GRM8: variants seen among roughly 807,000 people sequenced by gnomAD.
GRM8 encodes the protein metabotropic glutamate receptor 8.
In GRM8, 47 loss-of-function variants were observed where a neutral mutation model predicts 87.2. The observed-to-expected ratio is 0.54, with a 90% CI of 0.43 to 0.69. GRM8 has a LOEUF of 0.69. GRM8 is among the 30% of genes least tolerant of loss of function. GRM8 has a pLI of 0.00. For missense variants in GRM8, 1,019 were observed against 1,139.2 expected, an observed-to-expected ratio of 0.89 and a Z score of 1.52; for synonymous variants, 396 against 404.5, an observed-to-expected ratio of 0.98 and a Z score of 0.25.
At chr7:126,595,107 A>C (rs1004158641) in intron 8 of GRM8, among the ~76,000 whole-genome samples, 10 of 152,192 alleles carry the variant, frequency 6.6e-5, no homozygotes, top group Admixed American at 5.9e-4. Context: ...AAAGGCTTAC[A>C]TACTGTGTGA....
chr7:126,621,537 G>T (rs1800175165), intron 7 of GRM8, among the ~76,000 whole-genome samples: 2 of 152,010 alleles, frequency 1.3e-5, no homozygotes, highest in African/African-American at 2.4e-5. Context: ...TCCTGTCTAA[G>T]CTTCCTGAGT....
intron 3 of GRM8, among the ~76,000 whole-genome samples, chr7:127,019,083 A>G (rs1016679535): frequency 2.0e-5 from 3 of 152,206 alleles, no homozygotes; most frequent in East Asian, 3.9e-4. Context: ...TAGGGATGAC[A>G]TATACAGAAA....
chr7:126,469,403 C>T (rs1804883714), intron 9 of GRM8, among the ~76,000 whole-genome samples: 1 of 143,576 alleles, frequency 7.0e-6, no homozygotes, highest in African/African-American at 2.5e-5. Flanking sequence ...CCCATGTTGT[C>T]AAATCAAAAT....
At chr7:126,495,923 C>T (rs1311725441) in intron 9 of GRM8, among the ~76,000 whole-genome samples, 2 of 151,960 alleles carry the variant, frequency 1.3e-5, no homozygotes, top group Non-Finnish European at 2.9e-5. Context: ...ATTGTTTGCA[C>T]AGTAACTGTT....
chr7:127,196,936 G>A (rs1421587108), intron 2 of GRM8, among the ~76,000 whole-genome samples: 2 of 152,116 alleles, frequency 1.3e-5, no homozygotes, highest in Admixed American at 1.3e-4. Context: ...TGCCCAGGCT[G>A]GTCTCAAACC....
chr7:126,789,219 T>A (rs1375989408), intron 6 of GRM8, among the ~76,000 whole-genome samples: 1 of 151,944 alleles, frequency 6.6e-6, no homozygotes, highest in Non-Finnish European at 1.5e-5. Context: ...ACACTAATAA[T>A]GTTCAAAAGA....
chr7:126,528,440 A>G (rs1814257901), intron 9 of GRM8, among the ~76,000 whole-genome samples: 1 of 152,180 alleles, frequency 6.6e-6, no homozygotes, highest in Admixed American at 6.5e-5. Context: ...GGTGAGCAAA[A>G]TCAAATAAAG....
intron 2 of GRM8, among the ~76,000 whole-genome samples, chr7:127,131,859 T>C (rs1481303760): frequency 1.3e-5 from 2 of 152,230 alleles, no homozygotes; most frequent in Admixed American, 6.5e-5. Flanking sequence ...GAATCTGTTA[T>C]TTATGCTTAA....
chr7:126,468,627 G>A (rs1382465952), intron 9 of GRM8, among the ~76,000 whole-genome samples: 1 of 151,902 alleles, frequency 6.6e-6, no homozygotes, highest in Non-Finnish European at 1.5e-5. Flanking sequence ...GCATTGCTTT[G>A]AAAAATTCTT....
At chr7:126,986,398 T>C (rs191789415) in intron 3 of GRM8, among the ~76,000 whole-genome samples, 2 of 152,336 alleles carry the variant, frequency 1.3e-5, no homozygotes, top group Admixed American at 1.3e-4. Context: ...TATTTTATTA[T>C]GGTTGAATTA....
intron 9 of GRM8, among the ~76,000 whole-genome samples, chr7:126,469,789 G>T (rs769247661): frequency 6.6e-6 from 1 of 152,108 alleles, no homozygotes; most frequent in Non-Finnish European, 1.5e-5. Flanking sequence ...AGCAGTGTAA[G>T]AAAGGACTAA....
intron 2 of GRM8, among the ~76,000 whole-genome samples, chr7:127,198,382 T>C (rs777135152): frequency 2.0e-5 from 3 of 152,182 alleles, no homozygotes; most frequent in Non-Finnish European, 4.4e-5. Context: ...ATCTGCTCTG[T>C]GGCCTTAGTC....
Position 126,904,509 on chromosome 7 carries a change from C to G in GRM8, c.863+39G>C, listed in dbSNP as rs113773725. 1.2e-5 allele frequency: 19 copies of G among 1,589,238 alleles called. No individual in the cohort carries two copies. The African/African-American group carries it at 2.4e-4, about 20-fold the overall frequency. ...TATGTTAGAAAGAGGATATGGGACA[C>G]AAATCTGACCCTACATACAGAAGAA... is the stretch of plus-strand genomic sequence containing the variant. On this transcript the variant is annotated intron_variant, in intron 4 of 10. Coordinates refer to ENST00000339582, the MANE Select transcript of GRM8 (RefSeq NM_000845.3).
At chr7:126,547,442 T>G (rs1817278892) in intron 8 of GRM8, among the ~76,000 whole-genome samples, 1 of 151,910 alleles carries the variant, frequency 6.6e-6, no homozygotes, top group Non-Finnish European at 1.5e-5. Flanking sequence ...AAATTAACTA[T>G]AATTATTATG....
At position 126,847,483 on chromosome 7, in the gene GRM8, G is replaced by C. The variant is rs562315787; in HGVS notation, c.1156+55059C>G. 3.3e-5 allele frequency among the ~76,000 whole-genome samples: 5 copies of C among 152,248 alleles called. No individual in the cohort carries two copies. In the East Asian group the frequency reaches 9.7e-4, roughly 29 times the overall value. On this transcript the variant is annotated intron_variant, in intron 6 of 10. Coordinates refer to ENST00000339582, the MANE Select transcript of GRM8 (RefSeq NM_000845.3). ...GATGTAAAGTAGATAGATCATCCCT[G>C]TTCCACTCAGCATCCACTGATGCCC... is the stretch of plus-strand genomic sequence containing the variant.
At position 126,439,105 on chromosome 7, in the gene GRM8, G is replaced by C; in HGVS notation, c.*14C>G. On this transcript the variant is annotated 3_prime_UTR_variant, in exon 11 of 11. Coordinates refer to ENST00000339582, the MANE Select transcript of GRM8 (RefSeq NM_000845.3). ...CATATACCACATCTCTTCAGATTGT[G>C]CCATTTCCCTGTTTCAGATTGAATG... 6.6e-7 allele frequency: 1 copy of C among 1,506,248 alleles called. No individual in the cohort carries two copies. The highest frequency in any genetic ancestry group is 9.2e-7 in the Non-Finnish European group (1 of 1,082,066). The allele number at this position is 1,506,248 out of a possible 1,614,324, so 93.3% of individuals were successfully genotyped here. A position where few individuals can be genotyped will look rare whatever the true frequency, so the allele number is the denominator to read the frequency against.
At chr7:126,996,725 A>G (rs1813213305) in intron 3 of GRM8, among the ~76,000 whole-genome samples, 1 of 152,068 alleles carries the variant, frequency 6.6e-6, no homozygotes, top group African/African-American at 2.4e-5. Context: ...AAATGGGTCA[A>G]TTCAGCAAGA....
At chr7:126,848,679 G>A (rs528177589) in intron 6 of GRM8, among the ~76,000 whole-genome samples, 2 of 151,968 alleles carry the variant, frequency 1.3e-5, no homozygotes, top group East Asian at 1.9e-4. Flanking sequence ...AAATTATCTG[G>A]GCATGGTGGT....
At chr7:126,878,884 C>T (rs760342391) in intron 6 of GRM8, among the ~76,000 whole-genome samples, 17 of 150,014 alleles carry the variant, frequency 1.1e-4, no homozygotes, top group East Asian at 2.1e-4. Context: ...ATGATGAGGC[C>T]GGGCACGGTG....
Sources: gnomAD v4.1 joint callset for allele counts (sites outside exome capture counted in the v4.1 genomes callset) on GRCh38, gnomAD v4.1.1 for gene constraint, MANE v1.5 for transcripts, NCBI Gene and HGNC (gene_info 2026-07-23, HGNC 2026-07-21) for gene names.